Variants in NKAIN2 observed in about 807,000 individuals in gnomAD.
The protein encoded by NKAIN2 is sodium/potassium transporting ATPase interacting 2.
Under a neutral mutation model 32.6 loss-of-function variants are expected in NKAIN2, and 14 were observed. The ratio of observed to expected loss-of-function variants is 0.43; its 90% confidence interval spans 0.28 to 0.67. The LOEUF is 0.67. NKAIN2 is among the 30% of genes least tolerant of loss of function. NKAIN2 has a pLI of 0.17. For synonymous variants in NKAIN2, 80 were observed against 87.2 expected, an observed-to-expected ratio of 0.92 and a Z score of 0.46; for missense variants, 198 against 258.3, an observed-to-expected ratio of 0.77 and a Z score of 1.60.
intron 1 of NKAIN2, among the ~76,000 whole-genome samples, chr6:123,825,060 A>T (rs1367635660): frequency 2.0e-5 from 3 of 152,142 alleles, no homozygotes; most frequent in Non-Finnish European, 4.4e-5. Flanking sequence ...TGAAAGCCTG[A>T]TTTCTAGTTC....
At chr6:124,479,633 T>C (rs1405995176) in intron 3 of NKAIN2, among the ~76,000 whole-genome samples, 2 of 152,236 alleles carry the variant, frequency 1.3e-5, no homozygotes, top group Non-Finnish European at 1.5e-5. Flanking sequence ...CCAATCAATA[T>C]ACAGTTAGAA....
intron 3 of NKAIN2, among the ~76,000 whole-genome samples, chr6:124,360,112 A>G (rs2114268839): frequency 6.6e-6 from 1 of 152,308 alleles, no homozygotes; most frequent in Middle Eastern, 3.4e-3. Context: ...CTTGCATCCC[A>G]GGGATGAAGC....
At chr6:123,807,366 G>T (rs1773262326) in intron 1 of NKAIN2, among the ~76,000 whole-genome samples, 1 of 152,046 alleles carries the variant, frequency 6.6e-6, no homozygotes, top group Non-Finnish European at 1.5e-5. Flanking sequence ...TATTCCATGT[G>T]CAGAATCCAG....
At chr6:124,570,284 G>T (rs1781077446) in intron 3 of NKAIN2, among the ~76,000 whole-genome samples, 1 of 152,110 alleles carries the variant, frequency 6.6e-6, no homozygotes, top group African/African-American at 2.4e-5. Flanking sequence ...CCCATTTTTT[G>T]AGGAGAAATT....
intron 1 of NKAIN2, among the ~76,000 whole-genome samples, chr6:124,084,869 A>G (rs990002049): frequency 6.6e-6 from 1 of 151,982 alleles, no homozygotes; most frequent in Non-Finnish European, 1.5e-5. Flanking sequence ...AAAAATCTCT[A>G]TGCTTAAAAA....
intron 6 of NKAIN2, 30 bp downstream of exon 6, chr6:124,818,498 T>G: frequency 1.9e-6 from 2 of 1,063,744 alleles, no homozygotes; most frequent in Non-Finnish European, 2.9e-6. Context: ...GGTACTCTTC[T>G]GGGGTACTAA....
intron 3 of NKAIN2, among the ~76,000 whole-genome samples, chr6:124,647,577 G>A (rs749043107): frequency 7.4e-5 from 11 of 147,830 alleles, no homozygotes; most frequent in South Asian, 2.2e-4. Context: ...GTATAATGAC[G>A]TTATTATAAT....
chr6:124,061,261 C>G (rs1377333805), intron 1 of NKAIN2, among the ~76,000 whole-genome samples: 1 of 152,050 alleles, frequency 6.6e-6, no homozygotes, highest in Non-Finnish European at 1.5e-5. Flanking sequence ...GGAAAATATT[C>G]TCAGTAATAA....
At chr6:123,924,685 T>C (rs1287782958) in intron 1 of NKAIN2, among the ~76,000 whole-genome samples, 1 of 152,142 alleles carries the variant, frequency 6.6e-6, no homozygotes. Flanking sequence ...TCTTCATCTA[T>C]GTAACGAGTG....
At chr6:124,519,027 A>G (rs1346901576) in intron 3 of NKAIN2, among the ~76,000 whole-genome samples, 5 of 152,180 alleles carry the variant, frequency 3.3e-5, no homozygotes, top group Non-Finnish European at 7.3e-5. Flanking sequence ...GCCTGATGAG[A>G]GCAGCTCATC....
chr6:123,878,163 T>C (rs905445586), intron 1 of NKAIN2, among the ~76,000 whole-genome samples: 1 of 151,940 alleles, frequency 6.6e-6, no homozygotes, highest in Non-Finnish European at 1.5e-5. Context: ...GAGGCGGAGG[T>C]TGTGGTGAGC....
chr6:124,321,425 A>C (rs1203917814), intron 2 of NKAIN2, among the ~76,000 whole-genome samples: 2 of 152,196 alleles, frequency 1.3e-5, no homozygotes, highest in Non-Finnish European at 2.9e-5. Flanking sequence ...CAATGTAACA[A>C]ACCTGCACGT....
At chr6:124,674,847 CT>C (rs1220265989) in intron 4 of NKAIN2, among the ~76,000 whole-genome samples, 2 of 151,864 alleles carry the variant, frequency 1.3e-5, no homozygotes, top group Admixed American at 6.6e-5. Flanking sequence ...CCTTTTATTT[CT>C]TTCTCTTGCC....
rs75895642 is a variant in NKAIN2 at position 124,159,234 on chromosome 6, A to G, written c.55-123771A>G. On this transcript the variant is annotated intron_variant, in intron 1 of 6. Transcript: ENST00000368417. ...AGAGGTCTTCAGAATTTTATTTTTT[A>G]GTTTTGTCCTAATGCCAGTATATGC... Among the ~76,000 whole-genome samples, 5 of 152,084 alleles carry G rather than the reference A, an allele frequency of 3.3e-5. No individual in the cohort carries two copies. In the East Asian group the frequency reaches 7.7e-4, roughly 23 times the overall value.
chr6:123,864,139 T>TA (rs1775894778), intron 1 of NKAIN2, among the ~76,000 whole-genome samples: 1 of 152,174 alleles, frequency 6.6e-6, no homozygotes, highest in Non-Finnish European at 1.5e-5. Context: ...GAGAAAGCTA[T>TA]AAAAAAACAT....
At chr6:124,060,972 A>G (rs1782895747) in intron 1 of NKAIN2, among the ~76,000 whole-genome samples, 2 of 152,166 alleles carry the variant, frequency 1.3e-5, no homozygotes, top group African/African-American at 2.4e-5. Context: ...TAATGATAAT[A>G]TGGCTTTTTA....
At chr6:124,475,801 C>A (rs948633804) in intron 3 of NKAIN2, among the ~76,000 whole-genome samples, 4 of 152,234 alleles carry the variant, frequency 2.6e-5, no homozygotes, top group Admixed American at 2.6e-4. Context: ...AAATTTATTT[C>A]TTTCCCGAAA....
intron 4 of NKAIN2, among the ~76,000 whole-genome samples, chr6:124,750,339 A>G (rs1262793686): frequency 1.3e-5 from 2 of 151,870 alleles, no homozygotes; most frequent in South Asian, 2.1e-4. Context: ...ATAACTGTGT[A>G]TATTTAGCAC....
At chr6:124,701,178 C>CACACACACACACACACACACA in intron 4 of NKAIN2, among the ~76,000 whole-genome samples, 1 of 150,504 alleles carries the variant, frequency 6.6e-6, no homozygotes, top group African/African-American at 2.5e-5. Context: ...CACACACACA[C>CACACACACACACACACACACA]CGGATGACAT....
Sources: allele counts gnomAD v4.1 joint callset (sites outside exome capture counted in the v4.1 genomes callset), GRCh38; gene constraint gnomAD v4.1.1; transcripts MANE v1.5; gene names NCBI Gene and HGNC (gene_info 2026-07-23, HGNC 2026-07-21).